The following RGS6 variants were observed in gnomAD, a reference collection of about 807,000 sequenced individuals.
The protein encoded by RGS6 is regulator of G-protein signaling 6.
RGS6 carries 30 observed loss-of-function variants against 78.5 expected under a neutral mutation model. The observed-to-expected ratio is 0.38, with a 90% confidence interval of 0.29 to 0.52. RGS6 has a LOEUF of 0.52. Among genes scored for constraint, RGS6 ranks in the 20% least tolerant of loss-of-function variants. RGS6 has a pLI of 0.85. For missense variants in RGS6, 495 were observed against 609.7 expected, an observed-to-expected ratio of 0.81 and a Z score of 1.98; for synonymous variants, 206 against 206.0, an observed-to-expected ratio of 1.00 and a Z score of 0.00.
intron 2 of RGS6, among the ~76,000 whole-genome samples, chr14:72,274,199 G>C (rs759701153): frequency 6.6e-6 from 1 of 152,194 alleles, no homozygotes; most frequent in Non-Finnish European, 1.5e-5. Flanking sequence ...TACTAGGATA[G>C]GAGAGGTTCT....
chr14:72,547,380 C>CCCG lies in RGS6; in HGVS notation c.1422+7287_1422+7289dup, dbSNP rs1369087840. ...CAAAGGCTAAGAAGTAAGACCCCCC[C>CCCG]CCGACCCATGGAAGTCCCCCCAAAA... On this transcript the variant is annotated intron_variant, in intron 17 of 17. Coordinates refer to ENST00000553525, the MANE Select transcript of RGS6 (RefSeq NM_001204424.2). 2.1e-6 allele frequency: 3 copies of CCCG among 1,408,248 alleles called. No individual in the cohort carries two copies. The African/African-American group carries it at 4.4e-5, about 21-fold the overall frequency. 87.2% of individuals were successfully genotyped at this position (1,408,248 alleles called of 1,614,324 possible).
intron 2 of RGS6, among the ~76,000 whole-genome samples, chr14:72,168,546 C>T (rs1177475437): frequency 3.9e-5 from 6 of 152,190 alleles, no homozygotes; most frequent in Non-Finnish European, 5.9e-5. Context: ...TAAGATATCT[C>T]ATCAATAATT....
chr14:71,923,691 G>T, the RGS6 span, among the ~76,000 whole-genome samples: 1 of 152,156 alleles, frequency 6.6e-6, no homozygotes, highest in Admixed American at 6.5e-5. Context: ...TGACACAAAA[G>T]ACTGCATACT....
intron 17 of RGS6, among the ~76,000 whole-genome samples, chr14:72,556,422 C>G (rs2097576010): frequency 6.6e-6 from 1 of 152,290 alleles, no homozygotes; most frequent in African/African-American, 2.4e-5. Flanking sequence ...AGTTCCCGCT[C>G]TCAACACATG....
chr14:71,879,180 GA>G, the RGS6 span, among the ~76,000 whole-genome samples: 1 of 152,116 alleles, frequency 6.6e-6, no homozygotes, highest in African/African-American at 2.4e-5. Context: ...TGGATTTATA[GA>G]AAAAATTATT....
chr14:72,031,575 T>C (rs2090901635), intron 2 of RGS6, among the ~76,000 whole-genome samples: 2 of 152,202 alleles, frequency 1.3e-5, no homozygotes, highest in South Asian at 4.1e-4. Context: ...CTCATTGGAA[T>C]TGAAGACTCC....
At chr14:72,123,793 T>C (rs1366426550) in intron 2 of RGS6, among the ~76,000 whole-genome samples, 1 of 152,172 alleles carries the variant, frequency 6.6e-6, no homozygotes, top group African/African-American at 2.4e-5. Context: ...TCTTTACTAA[T>C]AAATAAGTAT....
At chr14:72,080,759 A>G (rs1005055199) in intron 2 of RGS6, among the ~76,000 whole-genome samples, 4 of 152,138 alleles carry the variant, frequency 2.6e-5, no homozygotes, top group African/African-American at 9.7e-5. Context: ...TCCCAACACC[A>G]TTTATTTAAG....
the RGS6 span, among the ~76,000 whole-genome samples, chr14:72,583,766 T>A: frequency 0.011 from 1,603 of 152,252 alleles, 24 homozygotes; most frequent in African/African-American, 0.037. Flanking sequence ...GCTGGCAAAA[T>A]GTCATACAGG....
At chr14:72,133,452 G>A (rs565848653) in intron 2 of RGS6, among the ~76,000 whole-genome samples, 3 of 152,168 alleles carry the variant, frequency 2.0e-5, no homozygotes, top group African/African-American at 7.2e-5. Context: ...CAGGAAAATC[G>A]GTAAACGCTG....
At chr14:72,260,490 CATTAG>C (rs2057958596) in intron 2 of RGS6, among the ~76,000 whole-genome samples, 2 of 152,150 alleles carry the variant, frequency 1.3e-5, no homozygotes, top group Non-Finnish European at 2.9e-5. Context: ...CTCTAGCCAA[CATTAG>C]AGATGACTGG....
At chr14:72,484,139 A>G (rs977426735) in intron 12 of RGS6, among the ~76,000 whole-genome samples, 2 of 152,196 alleles carry the variant, frequency 1.3e-5, no homozygotes, top group African/African-American at 4.8e-5. Flanking sequence ...GAGGCGTGCC[A>G]GCATGCTCTC....
At chr14:72,345,772 C>G (rs561138867) in intron 2 of RGS6, among the ~76,000 whole-genome samples, 6 of 152,316 alleles carry the variant, frequency 3.9e-5, no homozygotes, top group African/African-American at 1.4e-4. Context: ...TTGGTAGGTG[C>G]TCAGTGAATG....
intron 3 of RGS6, among the ~76,000 whole-genome samples, chr14:72,399,657 A>T (rs2092085412): frequency 6.6e-6 from 1 of 152,178 alleles, no homozygotes; most frequent in African/African-American, 2.4e-5. Flanking sequence ...ATGTTTTTGC[A>T]GTGGCTGGTA....
chr14:72,417,956 A>AGCATAGCTTGGGGGC (rs2093942036), intron 3 of RGS6, among the ~76,000 whole-genome samples: 1 of 152,170 alleles, frequency 6.6e-6, no homozygotes, highest in Admixed American at 6.5e-5. Flanking sequence ...AGTGATTTAT[A>AGCATAGCTTGGGGGC]GCATAGCTTG....
intron 3 of RGS6, among the ~76,000 whole-genome samples, chr14:72,446,966 G>A (rs970086552): frequency 2.0e-5 from 3 of 152,240 alleles, no homozygotes; most frequent in South Asian, 4.1e-4. Flanking sequence ...CTCACCTCCT[G>A]TTGTGAGGCC....
chr14:72,619,903 C>T, the RGS6 span: 2 of 1,530,844 alleles, frequency 1.3e-6, no homozygotes, highest in African/African-American at 1.4e-5. Flanking sequence ...TCATCATTAC[C>T]TTCTGGGGGC....
intron 2 of RGS6, among the ~76,000 whole-genome samples, chr14:72,218,608 CTTAT>C (rs202069501): frequency 4.6e-5 from 7 of 151,650 alleles, no homozygotes; most frequent in Non-Finnish European, 8.8e-5. Flanking sequence ...TTAAATACAT[CTTAT>C]TTATTTATTT....
At chr14:72,428,698 A>T (rs573257963) in intron 3 of RGS6, among the ~76,000 whole-genome samples, 3 of 152,326 alleles carry the variant, frequency 2.0e-5, no homozygotes, top group Non-Finnish European at 4.4e-5. Context: ...ACAGATAGGA[A>T]GCAGGTCTTA....
Sources: gnomAD v4.1 joint callset for allele counts (sites outside exome capture counted in the v4.1 genomes callset) on GRCh38, gnomAD v4.1.1 for gene constraint, MANE v1.5 for transcripts, NCBI Gene and HGNC (gene_info 2026-07-23, HGNC 2026-07-21) for gene names.